The following ACTR3C variants were observed in gnomAD, a reference collection of about 807,000 sequenced individuals.
The protein encoded by ACTR3C is actin-related protein 3C.
Under a neutral mutation model 26.3 loss-of-function variants are expected in ACTR3C, and 18 were observed. The observed-to-expected ratio is 0.68, with a 90% CI of 0.47 to 1.01. ACTR3C has a LOEUF of 1.01. ACTR3C is among the 50% of genes least tolerant of loss of function. ACTR3C has a pLI of 0.00. For synonymous variants in ACTR3C, 55 were observed against 94.5 expected (o/e 0.58, Z 2.42); for missense variants, 184 against 250.7 (o/e 0.73, Z 1.80).
At chr7:150,277,606 G>A (rs746685182) in intron 6 of ACTR3C, among the ~76,000 whole-genome samples, 12 of 151,848 alleles carry the variant, frequency 7.9e-5, no homozygotes, top group South Asian at 2.1e-4. Context: ...CTAGTCTTCC[G>A]CTGCCTCAGA....
chr7:150,311,610 C>T (rs1796329752), intron 1 of ACTR3C, among the ~76,000 whole-genome samples: 3 of 152,308 alleles, frequency 2.0e-5, no homozygotes, highest in South Asian at 4.1e-4. Context: ...AAGTCCTGAG[C>T]CACATGACTG....
intron 6 of ACTR3C, among the ~76,000 whole-genome samples, chr7:150,270,547 T>C (rs1360696547): frequency 0.021 from 3,082 of 148,204 alleles, 22 homozygotes; most frequent in African/African-American, 0.075. Context: ...TCACGTGGCA[T>C]CCACACCTGC....
the ACTR3C span, among the ~76,000 whole-genome samples, chr7:150,032,425 G>C: frequency 2.6e-5 from 4 of 152,192 alleles, no homozygotes; most frequent in Non-Finnish European, 4.4e-5. Context: ...ACGTGCTTGC[G>C]GTGCAGGCCC....
At chr7:150,258,609 G>A (rs1458344978) in intron 6 of ACTR3C, among the ~76,000 whole-genome samples, 1 of 152,260 alleles carries the variant, frequency 6.6e-6, no homozygotes, top group Admixed American at 6.5e-5. Flanking sequence ...CCCCTTATTG[G>A]GTTTCTGCAA....
the ACTR3C span, among the ~76,000 whole-genome samples, chr7:150,232,891 A>G: frequency 0.011 from 1,647 of 151,892 alleles, 42 homozygotes; most frequent in African/African-American, 0.038. Flanking sequence ...TAAGTAATCT[A>G]ACTCCACCTT....
At chr7:150,047,675 G>A in the ACTR3C span, 8 of 1,068,670 alleles carry the variant, frequency 7.5e-6, no homozygotes, top group East Asian at 1.1e-4. Context: ...CGCCGCCGCC[G>A]CCGCCGCCGC....
At chr7:150,299,779 C>T (rs551054197) in intron 1 of ACTR3C, among the ~76,000 whole-genome samples, 1 of 151,904 alleles carries the variant, frequency 6.6e-6, no homozygotes, top group Non-Finnish European at 1.5e-5. Context: ...AGAGTTAACT[C>T]CATCTCAAAA....
the ACTR3C span, among the ~76,000 whole-genome samples, chr7:150,050,240 A>G: frequency 6.6e-6 from 1 of 152,242 alleles, no homozygotes; most frequent in Non-Finnish European, 1.5e-5. Flanking sequence ...TCTATGAAAT[A>G]TGCATGCATA....
At chr7:149,947,842 G>GT in the ACTR3C span, among the ~76,000 whole-genome samples, 1 of 144,982 alleles carries the variant, frequency 6.9e-6, no homozygotes, top group South Asian at 2.1e-4. Flanking sequence ...TTTCTGCCCA[G>GT]TATAGGTCTG....
At chr7:150,070,154 G>T in the ACTR3C span, among the ~76,000 whole-genome samples, 1 of 152,070 alleles carries the variant, frequency 6.6e-6, no homozygotes, top group African/African-American at 2.4e-5. Flanking sequence ...GCAGGAGCTC[G>T]CGAGGCCTCA....
the ACTR3C span, among the ~76,000 whole-genome samples, chr7:150,070,958 C>T: frequency 6.8e-6 from 1 of 147,414 alleles, no homozygotes; most frequent in East Asian, 2.0e-4. Context: ...CCATGCCCAA[C>T]TAATTTTTTG....
At chr7:149,982,114 A>T in the ACTR3C span, among the ~76,000 whole-genome samples, 1 of 152,342 alleles carries the variant, frequency 6.6e-6, no homozygotes, top group South Asian at 2.1e-4. Context: ...GAACACTTCC[A>T]AAAGTGGAAC....
At chr7:150,109,119 A>G in the ACTR3C span, among the ~76,000 whole-genome samples, 1 of 152,018 alleles carries the variant, frequency 6.6e-6, no homozygotes, top group Non-Finnish European at 1.5e-5. Context: ...GCAAATGCAC[A>G]TGAGTGTAAC....
the ACTR3C span, among the ~76,000 whole-genome samples, chr7:149,960,177 A>G: frequency 1.3e-5 from 2 of 152,008 alleles, 1 homozygote; most frequent in South Asian, 4.2e-4. Flanking sequence ...CTTCCTAAAG[A>G]AAACTGTCTT....
intron 6 of ACTR3C, among the ~76,000 whole-genome samples, chr7:150,269,435 C>T (rs1459005818): frequency 6.7e-6 from 1 of 149,630 alleles, no homozygotes; most frequent in Non-Finnish European, 1.5e-5. Flanking sequence ...TGGGCTCCCA[C>T]GCCCTCATCT....
At chr7:150,042,362 G>A in the ACTR3C span, among the ~76,000 whole-genome samples, 7 of 128,618 alleles carry the variant, frequency 5.4e-5, no homozygotes, top group East Asian at 2.3e-4. Flanking sequence ...CGCCCCCAGC[G>A]ATGGGGGTCC....
At chr7:150,165,746 G>C in the ACTR3C span, among the ~76,000 whole-genome samples, 1 of 150,946 alleles carries the variant, frequency 6.6e-6, no homozygotes, top group Non-Finnish European at 1.5e-5. Flanking sequence ...AGCTTGACCA[G>C]TGACCCAGAG....
chr7:150,084,627 G>A, the ACTR3C span, among the ~76,000 whole-genome samples: 5 of 152,166 alleles, frequency 3.3e-5, no homozygotes, highest in Admixed American at 6.5e-5. Flanking sequence ...GGAATAGAAC[G>A]CGGGCTGATA....
the ACTR3C span, among the ~76,000 whole-genome samples, chr7:150,184,543 C>T: frequency 2.0e-5 from 3 of 150,092 alleles, no homozygotes; most frequent in Non-Finnish European, 4.4e-5. Context: ...ACACTCACAC[C>T]GCTAATGGTA....
Sources: allele counts gnomAD v4.1 joint callset (sites outside exome capture counted in the v4.1 genomes callset), GRCh38; gene constraint gnomAD v4.1.1; transcripts MANE v1.5; gene names NCBI Gene and HGNC (gene_info 2026-07-23, HGNC 2026-07-21).